The following PTPRD variants were observed in gnomAD, a reference collection of about 807,000 sequenced individuals.
PTPRD encodes protein tyrosine phosphatase receptor type D.
PTPRD carries 34 observed loss-of-function variants against 214.5 expected under a neutral mutation model. The observed-to-expected ratio is 0.16, with a 90% confidence interval of 0.12 to 0.21. The LOEUF is 0.21. Ranked by LOEUF, PTPRD falls within the 10% of genes least tolerant of loss-of-function variation. The pLI, the probability that PTPRD is intolerant of heterozygous loss-of-function variation, is 1.00. For missense variants in PTPRD, 2,545 were observed against 2,398.7 expected (o/e 1.06, Z -1.27); for synonymous variants, 1,128 against 845.7 (o/e 1.33, Z -5.79).
chr9:8,551,810 C>A (rs559472726), intron 14 of PTPRD, among the ~76,000 whole-genome samples: 1 of 152,286 alleles, frequency 6.6e-6, no homozygotes, highest in South Asian at 2.1e-4. Context: ...CTAGAATAAA[C>A]CTGCACAGAC....
At chr9:10,173,717 G>T (rs1487958357) in intron 3 of PTPRD, among the ~76,000 whole-genome samples, 1 of 151,820 alleles carries the variant, frequency 6.6e-6, no homozygotes. Context: ...TCATAGGGAT[G>T]CATGTGCTTG....
chr9:8,968,876 T>G (rs928196175), intron 11 of PTPRD, among the ~76,000 whole-genome samples: 5 of 152,052 alleles, frequency 3.3e-5, no homozygotes, highest in Admixed American at 3.3e-4. Flanking sequence ...AAATAAGAAT[T>G]AAAGATTTTT....
rs139185309 is a variant in PTPRD at position 8,837,772 on chromosome 9, G to A, written c.-103-103826C>T. On this transcript the variant is annotated intron_variant, in intron 11 of 45. Coordinates refer to ENST00000381196, the MANE Select transcript of PTPRD (RefSeq NM_002839.4). Reference sequence around the variant, plus strand: ...CTGTCTCAGCCTCCCAAAGTGTTGGGATTACAAGTGTGAGCCACCGCAGCC... The same window carrying A: ...CTGTCTCAGCCTCCCAAAGTGTTGGAATTACAAGTGTGAGCCACCGCAGCC... 6.2e-3 allele frequency among the ~76,000 whole-genome samples: 947 copies of A among 152,242 alleles called. 11 individuals are homozygous for A. The highest frequency in any genetic ancestry group is 0.022 in the African/African-American group (913 of 41,534).
intron 9 of PTPRD, among the ~76,000 whole-genome samples, chr9:9,219,390 G>T (rs557301513): frequency 1.7e-4 from 25 of 148,620 alleles, no homozygotes; most frequent in Non-Finnish European, 3.1e-4. Context: ...ATTCCATAAT[G>T]ATAATGCATC....
chr9:8,899,839 G>C (rs986714430), intron 11 of PTPRD, among the ~76,000 whole-genome samples: 11 of 152,140 alleles, frequency 7.2e-5, no homozygotes, highest in African/African-American at 2.2e-4. Context: ...AGTAAAATGA[G>C]AGAAGTTCAT....
intron 2 of PTPRD, among the ~76,000 whole-genome samples, chr9:10,469,778 G>C (rs536220300): frequency 6.6e-6 from 1 of 152,064 alleles, no homozygotes; most frequent in South Asian, 2.1e-4. Context: ...TGAATGAATG[G>C]ATAAAGAAAA....
intron 4 of PTPRD, among the ~76,000 whole-genome samples, chr9:9,995,533 A>AC (rs1202501911): frequency 6.6e-6 from 1 of 151,744 alleles, no homozygotes; most frequent in Non-Finnish European, 1.5e-5. Context: ...TCTCCACCCC[A>AC]CTCTGTATCC....
At chr9:8,402,969 A>G (rs2092592883) in intron 36 of PTPRD, among the ~76,000 whole-genome samples, 1 of 152,184 alleles carries the variant, frequency 6.6e-6, no homozygotes, top group Non-Finnish European at 1.5e-5. Flanking sequence ...ATTTATTATG[A>G]GAATTTTACA....
At chr9:8,847,135 T>A (rs891994148) in intron 11 of PTPRD, among the ~76,000 whole-genome samples, 1 of 152,026 alleles carries the variant, frequency 6.6e-6, no homozygotes, top group African/African-American at 2.4e-5. Flanking sequence ...AGATTTTGAA[T>A]GATAAAATTC....
chr9:9,732,886 TG>T (rs1439614690), intron 7 of PTPRD, among the ~76,000 whole-genome samples: 1 of 150,236 alleles, frequency 6.7e-6, no homozygotes, highest in African/African-American at 2.5e-5. Context: ...GAGGCCAGCA[TG>T]GGCAACACAG....
chr9:9,603,685 T>G (rs2093944966), intron 7 of PTPRD, among the ~76,000 whole-genome samples: 1 of 152,138 alleles, frequency 6.6e-6, no homozygotes, highest in South Asian at 2.1e-4. Flanking sequence ...CCTGATGATT[T>G]GAGGTGGAAT....
At chr9:10,591,267 G>T (rs1425891436) in intron 2 of PTPRD, among the ~76,000 whole-genome samples, 1 of 151,960 alleles carries the variant, frequency 6.6e-6, no homozygotes, top group African/African-American at 2.4e-5. Flanking sequence ...ATGTGTATGT[G>T]TGTATGTCTG....
chr9:9,506,170 C>T (rs900558851), intron 8 of PTPRD, among the ~76,000 whole-genome samples: 9 of 151,344 alleles, frequency 5.9e-5, no homozygotes, highest in African/African-American at 2.2e-4. Context: ...AGTATTTCAC[C>T]TATAAAGATT....
intron 7 of PTPRD, among the ~76,000 whole-genome samples, chr9:9,694,112 G>A (rs2097326289): frequency 1.3e-5 from 2 of 152,260 alleles, no homozygotes; most frequent in Middle Eastern, 6.8e-3. Flanking sequence ...GCCTTATTCA[G>A]TTCATCTGGT....
chr9:10,459,479 A>G (rs1316969066), intron 2 of PTPRD, among the ~76,000 whole-genome samples: 2 of 152,150 alleles, frequency 1.3e-5, no homozygotes, highest in African/African-American at 4.8e-5. Flanking sequence ...TCACCACACC[A>G]TCTTCCACAA....
intron 2 of PTPRD, among the ~76,000 whole-genome samples, chr9:10,372,659 G>C (rs111822173): frequency 1.3e-5 from 2 of 151,796 alleles, no homozygotes; most frequent in African/African-American, 4.8e-5. Context: ...CTGGCTCATG[G>C]TGAGTACATA....
chr9:9,687,107 G>A (rs1595219659), intron 7 of PTPRD, among the ~76,000 whole-genome samples: 1 of 151,766 alleles, frequency 6.6e-6, no homozygotes, highest in African/African-American at 2.4e-5. Flanking sequence ...TAACTCAGTA[G>A]AAGGTGAGGA....
intron 8 of PTPRD, among the ~76,000 whole-genome samples, chr9:9,440,466 G>T (rs993544679): frequency 6.6e-6 from 1 of 152,152 alleles, no homozygotes; most frequent in Non-Finnish European, 1.5e-5. Flanking sequence ...TACAAAGAGG[G>T]TGTCTAGGAG....
chr9:8,515,421 C>G (rs1003297462), intron 21 of PTPRD, among the ~76,000 whole-genome samples: 1 of 152,096 alleles, frequency 6.6e-6, no homozygotes, highest in African/African-American at 2.4e-5. Flanking sequence ...AATCTATACC[C>G]TGTTATGAAT....
Sources: allele counts gnomAD v4.1 joint callset (sites outside exome capture counted in the v4.1 genomes callset), GRCh38; gene constraint gnomAD v4.1.1; transcripts MANE v1.5; gene names NCBI Gene and HGNC (gene_info 2026-07-23, HGNC 2026-07-21).